Variants in KLRC4 observed in about 807,000 individuals in gnomAD.
KLRC4 encodes killer cell lectin like receptor C4.
Under a neutral mutation model 14.3 loss-of-function variants are expected in KLRC4, and 6 were observed. The observed-to-expected ratio is 0.42, with a 90% confidence interval of 0.23 to 0.83. The LOEUF (loss-of-function observed/expected upper bound fraction) is 0.83, where lower values mean the gene tolerates loss of function less well. Ranked by LOEUF, KLRC4 falls within the 40% of genes least tolerant of loss-of-function variation. KLRC4 has a pLI of 0.29. For missense variants in KLRC4, 158 were observed against 179.4 expected (o/e 0.88, Z 0.68); for synonymous variants, 53 against 60.5 (o/e 0.88, Z 0.57).
chr12:10,408,066 G>A (rs1257530860), intron 3 of KLRC4, among the ~76,000 whole-genome samples: 2 of 152,064 alleles, frequency 1.3e-5, no homozygotes, highest in East Asian at 3.8e-4. Context: ...TTTAAGTATA[G>A]TAAAATTATT....
intron 2 of KLRC4, 79 bp downstream of exon 2, chr12:10,408,833 C>T (rs1863540989): frequency 1.3e-6 from 2 of 1,562,296 alleles, no homozygotes; most frequent in Non-Finnish European, 1.8e-6. Context: ...TTCTAATCCT[C>T]ATTATTATGA....
At position 10,407,480 on chromosome 12, in the gene KLRC4, G is replaced by A. The variant is rs985247515; in HGVS notation, c.*173C>T. ...GGAAATAACCAAATGTGCATTAACA[G>A]TATATGAATATAAAAATATTATGAA... On this transcript the variant is annotated 3_prime_UTR_variant, in exon 4 of 4. Coordinates refer to ENST00000309384, the MANE Select transcript of KLRC4 (RefSeq NM_013431.2). 1 of 707,890 alleles carries A rather than the reference G, an allele frequency of 1.4e-6. No homozygotes were observed. Among genetic ancestry groups the A allele is most frequent in the African/African-American group, 1.8e-5 (1 of 55,062 alleles). The allele number at this position is 707,890 out of a possible 1,614,324, so 43.9% of individuals were successfully genotyped here.
At chr12:10,409,208 C>T (rs1485597509) in intron 1 of KLRC4, among the ~76,000 whole-genome samples, 181 bp downstream of exon 1, 2 of 152,156 alleles carry the variant, frequency 1.3e-5, no homozygotes, top group Non-Finnish European at 2.9e-5. Context: ...TTGTTAATCA[C>T]AAATTACAAT....
chr12:10,408,681 T>C (rs1018047834), intron 2 of KLRC4, among the ~76,000 whole-genome samples: 1 of 147,660 alleles, frequency 6.8e-6, no homozygotes, highest in Admixed American at 6.6e-5. Context: ...TACATCTCTC[T>C]GTGTGTGTAT....
At position 10,409,740 on chromosome 12, in the gene KLRC4, T is replaced by C; in HGVS notation, c.-165A>G. On this transcript the variant is annotated 5_prime_UTR_variant, in exon 1 of 4. Coordinates refer to ENST00000309384, the MANE Select transcript of KLRC4 (RefSeq NM_013431.2). ...GTTGACCAATATAAAAGTCTGGTAC[T>C]AATTTCCTAAAGTTTTAAACTGAAA... 9.7e-7 allele frequency: 1 copy of C among 1,032,460 alleles called. No homozygotes were observed. Among genetic ancestry groups the C allele is most frequent in the Admixed American group, 3.8e-5 (1 of 26,366 alleles). 64.0% of individuals were successfully genotyped at this position (1,032,460 alleles called of 1,614,324 possible). A position where few individuals can be genotyped will look rare whatever the true frequency, so the allele number is the denominator to read the frequency against.
rs752025599 is a variant in KLRC4 at position 10,409,522 on chromosome 12, C to T, written c.54G>A (p.Lys18=). 6.2e-7 allele frequency: 1 copy of T among 1,614,002 alleles called. No individual in the cohort carries two copies. Residue 18 remains lysine (K), a synonymous_variant, in exon 1 of 4, where the codon AAG becomes AAA. Transcript: ENST00000309384. ...TGCCCTTAAGTTTCCTTTGCTGCCT[C>T]TTTGGGTCCTGGGCCAGACTCACTT... ...YSEVSLAQDP[K]RQQRKLKGNK... is the part of the protein sequence containing the mutation.
intron 3 of KLRC4, 106 bp downstream of exon 3, chr12:10,408,223 C>A: frequency 1.4e-6 from 1 of 691,384 alleles, no homozygotes; most frequent in South Asian, 1.8e-5. Flanking sequence ...ATTTATGGCT[C>A]ATTGTTATAG....
At position 10,408,397 on chromosome 12, in the gene KLRC4, G is replaced by T. The variant is rs2137847659; in HGVS notation, c.287-15C>A. ...TACTCCAATACCTAGAAAAATTAAA[G>T]TGATTCTTACAAAATTAATATCTAG... On this transcript the variant is annotated splice_polypyrimidine_tract_variant and intron_variant, in intron 2 of 3. Coordinates refer to ENST00000309384, the MANE Select transcript of KLRC4 (RefSeq NM_013431.2). The T allele has an allele frequency of 7.7e-7, 1 of 1,299,496 alleles. No individual in the cohort carries two copies. The highest frequency in any genetic ancestry group is 2.4e-5 in the East Asian group (1 of 41,118). The allele number at this position is 1,299,496 out of a possible 1,614,324, so 80.5% of individuals were successfully genotyped here.
intron 2 of KLRC4, 99 bp from the exon 3 acceptor site, chr12:10,408,481 A>G: frequency 1.6e-6 from 1 of 641,536 alleles, no homozygotes; most frequent in South Asian, 2.0e-5. Context: ...ATTATTTTAA[A>G]TTGGAACAAT....
rs775259404 is a variant in KLRC4 at position 10,408,366 on chromosome 12, C to T, written c.303G>A (p.Glu101=). 2 of 1,465,140 alleles carry T rather than the reference C, an allele frequency of 1.4e-6. No homozygotes were observed. Among genetic ancestry groups the T allele is most frequent in the Non-Finnish European group, 9.5e-7 (1 of 1,053,500 alleles). 90.8% of individuals were successfully genotyped at this position (1,465,140 alleles called of 1,614,324 possible). The change falls in exon 3 of 4, where the codon GAG becomes GAA. Residue 101 remains glutamate, a synonymous_variant. Coordinates refer to ENST00000309384, the MANE Select transcript of KLRC4 (RefSeq NM_013431.2). ...IVLIPCIGVL[E]QNNFSLNRRM... ...TTCTATTCAGGGAAAAATTGTTCTG[C>T]TCCAGTACTCCAATACCTAGAAAAA...
Position 10,407,897 on chromosome 12 carries a change from A to T in KLRC4, c.341-108T>A, listed in dbSNP as rs1000493383. The T allele has an allele frequency of 4.3e-6, 6 of 1,391,278 alleles. No individual in the cohort carries two copies. The African/African-American group carries it at 8.8e-5, about 20-fold the overall frequency. 86.2% of individuals were successfully genotyped at this position (1,391,278 alleles called of 1,614,324 possible). Reference sequence around the variant, plus strand: ...ACAGGTACACAATATCTGCATCCTCATAAGTTGTTAAATATATATTTTAAA... The same window carrying T: ...ACAGGTACACAATATCTGCATCCTCTTAAGTTGTTAAATATATATTTTAAA... On this transcript the variant is annotated intron_variant, in intron 3 of 3. Coordinates refer to ENST00000309384, the MANE Select transcript of KLRC4 (RefSeq NM_013431.2).
At chr12:10,407,965 C>G (rs993296135) in intron 3 of KLRC4, among the ~76,000 whole-genome samples, 176 bp from the exon 4 acceptor site, 1 of 152,020 alleles carries the variant, frequency 6.6e-6, no homozygotes, top group Non-Finnish European at 1.5e-5. Context: ...AAAGGTCCAC[C>G]TCTCATCCCT....
At chr12:10,409,326 ACCTTTCTGCATTCAACTGCAC>A (rs1250197790) in intron 1 of KLRC4, 42 bp downstream of exon 1, 26 of 1,483,832 alleles carry the variant, frequency 1.8e-5, no homozygotes, top group Middle Eastern at 3.5e-4. Flanking sequence ...ATCTTTCCCC[ACCTTTCTGCATTCAACTGCAC>A]ATCCTAGAAC....
Position 10,409,559 on chromosome 12 carries a change from C to T in KLRC4, c.17G>A (p.Gly6Glu). The T allele has an allele frequency of 6.2e-7, 1 of 1,612,660 alleles. No individual in the cohort carries two copies. The highest frequency in any genetic ancestry group is 8.5e-7 in the Non-Finnish European group (1 of 1,179,568). The change falls in exon 1 of 4, where the codon GGA becomes GAA. Residue 6 changes from glycine to glutamate, a missense_variant. Physicochemically the swap from Gly to Glu is moderately conservative, Grantham distance 98. Transcript: ENST00000309384. MNKQR[G>E]TYSEVSLAQD... is the part of the protein sequence containing the mutation. Reference sequence around the variant, plus strand: ...GGCCAGACTCACTTCTGAGTAGGTTCCTCTTTGTTTATTCATCTCTGCAGC... The same window carrying T: ...GGCCAGACTCACTTCTGAGTAGGTTTCTCTTTGTTTATTCATCTCTGCAGC...
rs369175096 is a variant in KLRC4, at chr12:10,408,398, T to C, written c.287-16A>G. The C allele has an allele frequency of 7.8e-5, 100 of 1,284,514 alleles. No homozygotes were observed. The highest frequency in any genetic ancestry group is 1.0e-4 in the Non-Finnish European group (91 of 903,494). 79.6% of individuals were successfully genotyped at this position (1,284,514 alleles called of 1,614,324 possible). A position where few individuals can be genotyped will look rare whatever the true frequency, so the allele number is the denominator to read the frequency against. ...ACTCCAATACCTAGAAAAATTAAAGTGATTCTTACAAAATTAATATCTAGA... is the reference window on the plus strand; with the variant it reads ...ACTCCAATACCTAGAAAAATTAAAGCGATTCTTACAAAATTAATATCTAGA... On this transcript the variant is annotated splice_polypyrimidine_tract_variant and intron_variant, in intron 2 of 3. Transcript: ENST00000309384.
chr12:10,408,814 A>T, intron 2 of KLRC4, 98 bp downstream of exon 2: 1 of 1,476,804 alleles, frequency 6.8e-7, no homozygotes, highest in Non-Finnish European at 9.3e-7. Flanking sequence ...ATATACATTA[A>T]ACAGAGAATT....
rs1233739341 is a variant in KLRC4 at position 10,408,331 on chromosome 12, T to C, written c.338A>G (p.Lys113Arg). Residue 113 changes from lysine to arginine, a missense_variant and splice_region_variant, in exon 3 of 4, where the codon AAA (lysine) becomes AGA (arginine). By Grantham distance (26) the Lys-to-Arg change is conservative (BLOSUM62 2). Coordinates refer to ENST00000309384, the MANE Select transcript of KLRC4 (RefSeq NM_013431.2). ...NNFSLNRRMQ[K>R]ARHCGHCPEE... ...GAACATTGACAATCATAATGTACCT[T>C]TCTGCATTCTTCTATTCAGGGAAAA... is the stretch of plus-strand genomic sequence containing the variant. 6.7e-7 allele frequency: 1 copy of C among 1,483,718 alleles called. No individual in the cohort carries two copies. Among genetic ancestry groups the C allele is most frequent in the Admixed American group, 1.7e-5 (1 of 57,544 alleles). The allele number at this position is 1,483,718 out of a possible 1,614,324, so 91.9% of individuals were successfully genotyped here.
In KLRC4 at chr12:10,407,793, A is replaced by G. The variant is rs1438890115; in HGVS notation, c.341-4T>C. 2.5e-6 allele frequency: 4 copies of G among 1,598,982 alleles called. No homozygotes were observed. Among genetic ancestry groups the G allele is most frequent in the Non-Finnish European group, 3.4e-6 (4 of 1,175,454 alleles). ...GGACAATGGCCACAATGACGTGCTA[A>G]ATAAAAATATGAATTACTATGCAAA... On this transcript the variant is annotated splice_polypyrimidine_tract_variant and splice_region_variant and intron_variant, in intron 3 of 3. Transcript: ENST00000309384.
At chr12:10,408,833 CATT>C in intron 2 of KLRC4, 76 bp downstream of exon 2, 20 of 1,562,296 alleles carry the variant, frequency 1.3e-5, no homozygotes, top group Non-Finnish European at 1.7e-5. Flanking sequence ...TTCTAATCCT[CATT>C]ATTATGAAAT....
Sources: allele counts gnomAD v4.1 joint callset (sites outside exome capture counted in the v4.1 genomes callset), GRCh38; gene constraint gnomAD v4.1.1; transcripts MANE v1.5; gene names NCBI Gene and HGNC (gene_info 2026-07-23, HGNC 2026-07-21).